UTRN: variants seen among roughly 807,000 people sequenced by gnomAD.
UTRN encodes the protein dystrophin-related protein 1.
A neutral mutation model predicts 463.9 loss-of-function variants in UTRN; 283 were observed. That is an observed-to-expected ratio of 0.61 (90% CI 0.55 to 0.67). The LOEUF (loss-of-function observed/expected upper bound fraction) is 0.67, where lower values mean the gene tolerates loss of function less well. UTRN is among the 30% of genes least tolerant of loss of function. The pLI is 0.00. For missense variants in UTRN, 3,922 were observed against 4,084.3 expected (o/e 0.96, Z 1.08); for synonymous variants, 1,442 against 1,431.5 (o/e 1.01, Z -0.17).
Position 144,678,520 on chromosome 6 carries a change from C to T in UTRN, c.7594C>T (p.Arg2532Ter). 1.2e-6 allele frequency: 2 copies of T among 1,612,672 alleles called. No individual in the cohort carries two copies. Among genetic ancestry groups the T allele is most frequent in the South Asian group, 1.1e-5 (1 of 90,972 alleles). Residue 2532 changes from arginine to a stop codon, truncating the protein, a stop_gained, in exon 52 of 75, where the codon CGA becomes TGA. Transcript: ENST00000367545. LOFTEE classifies it high-confidence loss of function. ...TGAAGAGGCTACTATGCTTCAACAT[C>T]GACTGGATGATATGAACCAAAGATG... ...NSEEATMLQH[R>*]LDDMNQRWND...
intron 3 of UTRN, among the ~76,000 whole-genome samples, chr6:144,421,281 C>T (rs542253761): frequency 1.2e-4 from 18 of 152,242 alleles, no homozygotes; most frequent in African/African-American, 3.6e-4. Flanking sequence ...GCATGAACCA[C>T]GATGCCCAAC....
intron 56 of UTRN, 72 bp from the exon 57 acceptor site, chr6:144,754,648 A>G (rs1791783508): frequency 6.6e-7 from 1 of 1,526,466 alleles, no homozygotes; most frequent in Admixed American, 1.7e-5. Context: ...TAGTCTTTAA[A>G]GCAAAAATAT....
chr6:144,607,638 A>G (rs1286828532), intron 51 of UTRN, among the ~76,000 whole-genome samples: 1 of 152,188 alleles, frequency 6.6e-6, no homozygotes, highest in Non-Finnish European at 1.5e-5. Flanking sequence ...GTGGGCTTGT[A>G]CACTAGACTT....
intron 46 of UTRN, among the ~76,000 whole-genome samples, chr6:144,547,973 T>A (rs995842313): frequency 6.6e-6 from 1 of 152,160 alleles, no homozygotes; most frequent in Non-Finnish European, 1.5e-5. Context: ...TTACAGATAG[T>A]TTTAATTACT....
chr6:144,846,857 G>T, intron 74 of UTRN, 30 bp downstream of exon 74: 2 of 1,613,870 alleles, frequency 1.2e-6, no homozygotes, highest in Middle Eastern at 3.3e-4. Context: ...TTGGCTCTAT[G>T]TTACTGATCC....
chr6:144,638,958 C>G (rs1777486206), intron 51 of UTRN, among the ~76,000 whole-genome samples: 1 of 151,960 alleles, frequency 6.6e-6, no homozygotes, highest in South Asian at 2.1e-4. Context: ...GCCTGTAGTC[C>G]TAGCTACCTG....
intron 18 of UTRN, 97 bp from the exon 19 acceptor site, chr6:144,453,685 A>C: frequency 3.3e-6 from 3 of 921,160 alleles, no homozygotes; most frequent in Middle Eastern, 4.6e-4. Flanking sequence ...AGATTTAAAA[A>C]GAATGTAGGA....
intron 51 of UTRN, among the ~76,000 whole-genome samples, chr6:144,603,297 G>A (rs979627871): frequency 1.3e-5 from 2 of 152,120 alleles, no homozygotes; most frequent in African/African-American, 4.8e-5. Flanking sequence ...TGTTAGGATA[G>A]GTTTCTCTGT....
Position 144,446,260 on chromosome 6 carries a change from A to T in UTRN, c.1615-951A>T, listed in dbSNP as rs1478088737. Among the ~76,000 whole-genome samples the T allele has an allele frequency of 2.6e-5, 4 of 152,158 alleles. No homozygotes were observed. The South Asian group carries it at 8.3e-4, about 32-fold the overall frequency. ...TCTATAATGATCTGACATTTTAACT[A>T]TACCTTTTGTGTGTGTGTGTGTACT... On this transcript the variant is annotated intron_variant, in intron 14 of 74. Transcript: ENST00000367545.
At chr6:144,557,558 G>A (rs117814646) in intron 50 of UTRN, among the ~76,000 whole-genome samples, 2,111 of 151,782 alleles carry the variant, frequency 0.014, 16 homozygotes, top group Non-Finnish European at 0.023. Context: ...CCTAAACCTT[G>A]CCAATGATTA....
intron 54 of UTRN, among the ~76,000 whole-genome samples, chr6:144,743,007 G>A (rs141926180): frequency 1.3e-5 from 2 of 152,190 alleles, no homozygotes; most frequent in Admixed American, 1.3e-4. Flanking sequence ...TAGTTTTTTT[G>A]TAAGTGCTTT....
In UTRN at chr6:144,595,652, A is replaced by G. The variant is rs1300449458; in HGVS notation, c.7479+18364A>G. On this transcript the variant is annotated intron_variant, in intron 51 of 74. Coordinates refer to ENST00000367545, the MANE Select transcript of UTRN (RefSeq NM_007124.3). ...CCCTGAGTCTGCAGCATCTAGTCAA[A>G]TGAAGTATTTTGAAGTCTTTATTCA... Among the ~76,000 whole-genome samples, 5 of 152,186 alleles carry G rather than the reference A, an allele frequency of 3.3e-5. No individual in the cohort carries two copies. The East Asian group carries it at 7.7e-4, about 23-fold the overall frequency.
chr6:144,489,937 G>A (rs766416371), intron 30 of UTRN, 134 bp from the exon 31 acceptor site: 9 of 1,309,334 alleles, frequency 6.9e-6, no homozygotes, highest in East Asian at 2.8e-5. Flanking sequence ...ACTTATTAAA[G>A]CTTCTGTGGA....
intron 2 of UTRN, among the ~76,000 whole-genome samples, chr6:144,355,813 T>A (rs9496942): frequency 0.064 from 9,666 of 152,198 alleles, 1,034 homozygotes; most frequent in African/African-American, 0.22. Context: ...TTGATCACAC[T>A]TAGTGAACTG....
At chr6:144,846,917 T>G (rs1438225110) in intron 74 of UTRN, 90 bp downstream of exon 74, 38 of 1,525,168 alleles carry the variant, frequency 2.5e-5, no homozygotes, top group Non-Finnish European at 3.3e-5. Flanking sequence ...CCTACTTTAT[T>G]CTCCATGTAA....
chr6:144,515,485 T>TG (rs2099669885), intron 37 of UTRN, among the ~76,000 whole-genome samples: 1 of 152,160 alleles, frequency 6.6e-6, no homozygotes, highest in African/African-American at 2.4e-5. Context: ...CTTGTTTTTT[T>TG]TTTTGTTTTA....
At position 144,577,235 on chromosome 6, in the gene UTRN, G is replaced by A; in HGVS notation, c.7426G>A (p.Glu2476Lys). The change falls in exon 51 of 75, where the codon GAG (glutamate) becomes AAG (lysine). Residue 2476 changes from glutamate (E) to lysine (K), a missense_variant. By Grantham distance (56) the Glu-to-Lys change is moderately conservative (BLOSUM62 1). Around this residue, in one of 3 missense-constraint regions of UTRN, gnomAD observed 1,309 missense variants for 1,452.6 expected, o/e 0.90. Coordinates refer to ENST00000367545, the MANE Select transcript of UTRN (RefSeq NM_007124.3). ...VNVLVDASHR[E>K]NALQDSILAR... ...TGTGCTTGTGGATGCCTCTCATCGG[G>A]AGAATGCTCTTCAGGATAGTATCTT... The A allele has an allele frequency of 6.2e-7, 1 of 1,613,954 alleles. No homozygotes were observed. Among genetic ancestry groups the A allele is most frequent in the Non-Finnish European group, 8.5e-7 (1 of 1,179,906 alleles).
chr6:144,374,035 T>C (rs1196242739), intron 2 of UTRN, among the ~76,000 whole-genome samples: 1 of 152,218 alleles, frequency 6.6e-6, no homozygotes, highest in African/African-American at 2.4e-5. Flanking sequence ...TCTTGGCAGA[T>C]CATATGGCAT....
chr6:144,663,966 A>G (rs1334757279), intron 51 of UTRN, among the ~76,000 whole-genome samples: 3 of 152,218 alleles, frequency 2.0e-5, no homozygotes, highest in African/African-American at 4.8e-5. Flanking sequence ...ACCAGGTGCT[A>G]GTCTAAGTGT....
Sources: allele counts gnomAD v4.1 joint callset (sites outside exome capture counted in the v4.1 genomes callset), GRCh38; gene constraint gnomAD v4.1.1; regional missense constraint gnomAD v4.1.1; transcripts MANE v1.5; gene names NCBI Gene and HGNC (gene_info 2026-07-23, HGNC 2026-07-21).